The following ITGA5 variants were observed in gnomAD, a reference collection of about 807,000 sequenced individuals.
ITGA5 encodes integrin alpha-5.
Under a neutral mutation model 146.3 loss-of-function variants are expected in ITGA5, and 55 were observed. That is an observed-to-expected ratio of 0.38 (90% CI 0.30 to 0.47). The LOEUF (loss-of-function observed/expected upper bound fraction) is 0.47. Ranked by LOEUF, ITGA5 falls within the 20% of genes least tolerant of loss-of-function variation. ITGA5 has a pLI of 0.99. For missense variants in ITGA5, 1,131 were observed against 1,329.0 expected (o/e 0.85, Z 2.32); for synonymous variants, 500 against 531.8 (o/e 0.94, Z 0.82).
At position 54,403,927 on chromosome 12, in the gene ITGA5, G is replaced by A. The variant is rs200698595; in HGVS notation, c.1605C>T (p.His535=). 1.9e-5 allele frequency: 30 copies of A among 1,614,184 alleles called. No individual in the cohort carries two copies. Among genetic ancestry groups the A allele is most frequent in the Admixed American group, 1.0e-4 (6 of 60,028 alleles). Reference sequence around the variant, plus strand: ...CTCCCTCACCAATGGAGTCAGCAACGTGTTTTCCAGAAGCATTGAGGCAGA... The same window carrying A: ...CTCCCTCACCAATGGAGTCAGCAACATGTTTTCCAGAAGCATTGAGGCAGA... The part of the protein sequence containing the change: ...LSFCLNASGK[H]VADSIGFTVE... Residue 535 remains histidine, a synonymous_variant, in exon 16 of 30, where the codon CAC becomes CAT. Transcript: ENST00000293379. This position sits in a 1 kb window ranked among gnomAD's most constrained non-coding sequence, Gnocchi z 4.9.
At chr12:54,408,374 A>C in intron 6 of ITGA5, 139 bp from the exon 7 acceptor site, 1 of 935,856 alleles carries the variant, frequency 1.1e-6, no homozygotes, top group Non-Finnish European at 1.6e-6. Flanking sequence ...TGTAAGCTTC[A>C]GGAAAGGAAG....
Position 54,401,267 on chromosome 12 carries a change from C to T in ITGA5, c.2493+106G>A. 1 of 906,658 alleles carries T rather than the reference C, an allele frequency of 1.1e-6. No individual in the cohort carries two copies. Among genetic ancestry groups the T allele is most frequent in the Admixed American group, 1.8e-5 (1 of 55,970 alleles). 56.2% of individuals were successfully genotyped at this position (906,658 alleles called of 1,614,324 possible). A position where few individuals can be genotyped will look rare whatever the true frequency, so the allele number is the denominator to read the frequency against. Reference sequence around the variant, plus strand: ...TGCCTTTGCATATCACTTACTCCTCCCTCCTCTCTTTCTCTCAGTCCCTCA... The same window carrying T: ...TGCCTTTGCATATCACTTACTCCTCTCTCCTCTCTTTCTCTCAGTCCCTCA... On this transcript the variant is annotated intron_variant, in intron 24 of 29. Coordinates refer to ENST00000293379, the MANE Select transcript of ITGA5 (RefSeq NM_002205.5). This position sits in a 1 kb window ranked among gnomAD's most constrained non-coding sequence, Gnocchi z 5.0.
At position 54,406,041 on chromosome 12, in the gene ITGA5, T is replaced by C. The variant is rs1955862491; in HGVS notation, c.907-115A>G. ...GGCATTCCTTAGAGACGCAGACCAC[T>C]GTCCCTAGCTCCCTCTTCAGCTTTG... On this transcript the variant is annotated intron_variant, in intron 9 of 29. Transcript: ENST00000293379. 3.4e-6 allele frequency: 3 copies of C among 870,474 alleles called. No individual in the cohort carries two copies. In the East Asian group the frequency reaches 7.4e-5, roughly 21 times the overall value. 53.9% of individuals were successfully genotyped at this position (870,474 alleles called of 1,614,324 possible).
rs150264488 is a variant in ITGA5, at chr12:54,399,949, T to C, written c.2644-2A>G. ...GTGCAGGGAACCCTCGGGATCCAAC[T>C]ATAAAAGAAAGTGTTGGGCCCCTTT... On this transcript the variant is annotated splice_acceptor_variant, in intron 25 of 29. Transcript: ENST00000293379. LOFTEE classifies it high-confidence loss of function. The C allele has an allele frequency of 1.9e-6, 3 of 1,612,104 alleles. No homozygotes were observed. Among genetic ancestry groups the C allele is most frequent in the African/African-American group, 1.3e-5 (1 of 74,880 alleles).
Position 54,407,885 on chromosome 12 carries a change from C to A in ITGA5, c.818-9G>T. The A allele has an allele frequency of 6.4e-7, 1 of 1,573,236 alleles. No homozygotes were observed. Among genetic ancestry groups the A allele is most frequent in the Non-Finnish European group, 8.6e-7 (1 of 1,157,974 alleles). On this transcript the variant is annotated splice_polypyrimidine_tract_variant and intron_variant, in intron 7 of 29. Transcript: ENST00000293379. ...AACAGCCACAGAGTATCCTGGGGGA[C>A]AGGGTGGGTGGATGTTAGGATTCCT...
At chr12:54,404,652 G>T in intron 13 of ITGA5, 51 bp downstream of exon 13, 1 of 1,539,080 alleles carries the variant, frequency 6.5e-7, no homozygotes, top group Non-Finnish European at 9.0e-7. Flanking sequence ...GAGAGTAGGG[G>T]TCAGTGACCA....
Position 54,404,178 on chromosome 12 carries a change from C to A in ITGA5, c.1532G>T (p.Arg511Leu). The part of the protein sequence containing the change: ...IFPAMFNPEE[R>L]SCSLEGNPVA... Reference sequence around the variant, plus strand: ...AGGGTTCCCCTCTAAGCTGCAGCTCCGCTCCTCTGGGTTGAACATGGCGGG... The same window carrying A: ...AGGGTTCCCCTCTAAGCTGCAGCTCAGCTCCTCTGGGTTGAACATGGCGGG... The change falls in exon 15 of 30, where the codon CGG becomes CTG. Residue 511 changes from arginine (R) to leucine (L), a missense_variant. By Grantham distance (102) the Arg-to-Leu change is moderately radical. Coordinates refer to ENST00000293379, the MANE Select transcript of ITGA5 (RefSeq NM_002205.5). The A allele has an allele frequency of 1.3e-6, 2 of 1,597,898 alleles. No homozygotes were observed. The highest frequency in any genetic ancestry group is 1.3e-5 in the African/African-American group (1 of 74,500).
Position 54,409,425 on chromosome 12 carries a change from C to A in ITGA5, c.462+60G>T. On this transcript the variant is annotated intron_variant, in intron 3 of 29. Coordinates refer to ENST00000293379, the MANE Select transcript of ITGA5 (RefSeq NM_002205.5). This position sits in a 1 kb window ranked among gnomAD's most constrained non-coding sequence, Gnocchi z 4.7. ...CCTTCCTCCCTCCCTCCAGGCCCGG[C>A]CTTACCCAACCACTGCCCATCCCCT... The A allele has an allele frequency of 1.9e-6, 3 of 1,610,174 alleles. No individual in the cohort carries two copies. Among genetic ancestry groups the A allele is most frequent in the Non-Finnish European group, 1.7e-6 (2 of 1,177,846 alleles).
At chr12:54,397,029 T>C (rs1482538343) in intron 29 of ITGA5, among the ~76,000 whole-genome samples, 2 of 152,166 alleles carry the variant, frequency 1.3e-5, no homozygotes, top group African/African-American at 4.8e-5. Context: ...TTCTAGGAGA[T>C]GATCAGTAGC....
chr12:54,398,790 C>T, intron 27 of ITGA5, 92 bp from the exon 28 acceptor site: 1 of 715,386 alleles, frequency 1.4e-6, no homozygotes, highest in South Asian at 2.1e-5. Flanking sequence ...GTGATCTTTC[C>T]CTATTTTGGG....
intron 1 of ITGA5, chr12:54,413,264 G>A (rs1157521807): frequency 2.0e-5 from 3 of 152,848 alleles, no homozygotes; most frequent in Non-Finnish European, 4.4e-5. Context: ...GAGTGGCCCA[G>A]GAGGTATAGG....
At chr12:54,404,955 C>T (rs2120513779) in intron 12 of ITGA5, 61 bp from the exon 13 acceptor site, 3 of 1,375,446 alleles carry the variant, frequency 2.2e-6, no homozygotes, top group Non-Finnish European at 2.9e-6. Flanking sequence ...CTAATCTCTA[C>T]TACCAGACCC....
chr12:54,408,757 T>C lies in ITGA5; in HGVS notation c.690A>G (p.Gln230=). The C allele has an allele frequency of 6.2e-7, 1 of 1,603,422 alleles. No homozygotes were observed. The highest frequency in any genetic ancestry group is 8.5e-7 in the Non-Finnish European group (1 of 1,172,444). ...AAGAATGGCAGAGACAGGACTTACC[T>C]TGCCAGAAATAGCTTCCTGGTCCAC... ...VLGGPGSYFW[Q]GQILSATQEQ... Residue 230 remains glutamine, a splice_region_variant and synonymous_variant, in exon 6 of 30, where the codon CAA becomes CAG. Transcript: ENST00000293379.
In ITGA5 at chr12:54,401,432, G is replaced by T; in HGVS notation, c.2434C>A (p.Pro812Thr). 6.2e-7 allele frequency: 1 copy of T among 1,614,138 alleles called. No individual in the cohort carries two copies. Among genetic ancestry groups the T allele is most frequent in the Non-Finnish European group, 8.5e-7 (1 of 1,180,016 alleles). The change falls in exon 24 of 30, where the codon CCC becomes ACC. Residue 812 changes from proline to threonine, a missense_variant. Physicochemically the swap from Pro to Thr is conservative, Grantham distance 38. This residue lies in a region of ITGA5 where 889 missense variants were observed against 1,021.5 expected (regional missense o/e 0.87). Coordinates refer to ENST00000293379, the MANE Select transcript of ITGA5 (RefSeq NM_002205.5). The surrounding 1 kb of genome is among the most constrained non-coding windows in gnomAD (Gnocchi z 5.0). ...AVLFPVSDWH[P>T]RDQPQKEEDL... ...TCCTCCTTCTGAGGCTGGTCTCGGG[G>T]ATGCCAGTCGCTTACTGGGAATAGC...
intron 1 of ITGA5, 101 bp downstream of exon 1, chr12:54,418,880 A>G: frequency 5.9e-6 from 8 of 1,355,214 alleles, no homozygotes; most frequent in Non-Finnish European, 8.0e-6. Context: ...TACAAACTCC[A>G]CCCTCAAACT....
At position 54,401,448 on chromosome 12, in the gene ITGA5, T is replaced by A; in HGVS notation, c.2418A>T (p.Pro806=). The A allele has an allele frequency of 6.2e-7, 1 of 1,614,094 alleles. No homozygotes were observed. Among genetic ancestry groups the A allele is most frequent in the Non-Finnish European group, 8.5e-7 (1 of 1,179,988 alleles). The change falls in exon 24 of 30, where the codon CCA becomes CCT. Residue 806 remains proline, a synonymous_variant. Coordinates refer to ENST00000293379, the MANE Select transcript of ITGA5 (RefSeq NM_002205.5). This position sits in a 1 kb window ranked among gnomAD's most constrained non-coding sequence, Gnocchi z 5.0. ...GVSKPEAVLF[P]VSDWHPRDQP... is the part of the protein sequence containing the mutation. ...GGTCTCGGGGATGCCAGTCGCTTAC[T>A]GGGAATAGCACTGCCTCAGGCTTGG...
chr12:54,402,955 T>TCCCTAGCTTACCGTCAGCCCTACTTA, intron 19 of ITGA5, 28 bp downstream of exon 19: 1 of 1,604,970 alleles, frequency 6.2e-7, no homozygotes, highest in Non-Finnish European at 8.5e-7. Context: ...CACCTGGAGC[T>TCCCTAGCTTACCGTCAGCCCTACTTA]CCCTAGCTTA....
rs1592288077 is a variant in ITGA5 at position 54,404,883 on chromosome 12, C to T, written c.1237G>A (p.Gly413Arg). The change falls in exon 13 of 30, where the codon GGG (glycine) becomes AGG (arginine). Residue 413 changes from glycine (G) to arginine (R), a missense_variant. Gly to Arg is a moderately radical substitution (Grantham distance 125). Coordinates refer to ENST00000293379, the MANE Select transcript of ITGA5 (RefSeq NM_002205.5). ...DQDGYNDVAI[G>R]APFGGETQQG... Reference sequence around the variant, plus strand: ...TGGGTCTCCCCACCAAAGGGAGCCCCGATGGCCACATCTGGAAGACACAGA... The same window carrying T: ...TGGGTCTCCCCACCAAAGGGAGCCCTGATGGCCACATCTGGAAGACACAGA... 2 of 1,579,154 alleles carry T rather than the reference C, an allele frequency of 1.3e-6. No homozygotes were observed. The highest frequency in any genetic ancestry group is 1.2e-5 in the South Asian group (1 of 85,386).
intron 1 of ITGA5, among the ~76,000 whole-genome samples, chr12:54,414,962 A>T: frequency 6.6e-6 from 1 of 152,110 alleles, no homozygotes; most frequent in East Asian, 1.9e-4. Flanking sequence ...CAGCTTGACC[A>T]ACATGGCGAA....
Sources: gnomAD v4.1 joint callset for allele counts (sites outside exome capture counted in the v4.1 genomes callset) on GRCh38, gnomAD v4.1.1 for gene constraint, gnomAD v4.1.1 regional missense constraint, Gnocchi (gnomAD v3.1) non-coding constraint, MANE v1.5 for transcripts, NCBI Gene and HGNC (gene_info 2026-07-23, HGNC 2026-07-21) for gene names.